Variants in ZDHHC11B observed in about 807,000 individuals in gnomAD.
ZDHHC11B encodes the protein probable palmitoyltransferase ZDHHC11B.
A neutral mutation model predicts 42.3 loss-of-function variants in ZDHHC11B; 17 were observed. The observed-to-expected ratio is 0.40, with a 90% CI of 0.27 to 0.60. ZDHHC11B has a LOEUF of 0.60. Ranked by LOEUF, ZDHHC11B falls within the 20% of genes least tolerant of loss-of-function variation. The pLI is 0.41. For synonymous variants in ZDHHC11B, 123 were observed against 193.5 expected (o/e 0.64, Z 3.02); for missense variants, 262 against 463.2 (o/e 0.57, Z 3.99).
chr5:773,089 T>C (rs1736189512), intron 1 of ZDHHC11B, among the ~76,000 whole-genome samples: 1 of 151,858 alleles, frequency 6.6e-6, no homozygotes, highest in Non-Finnish European at 1.5e-5. Flanking sequence ...GATCGCTTCA[T>C]TAGACCCACG....
chr5:734,042 A>G (rs528473751), intron 10 of ZDHHC11B, among the ~76,000 whole-genome samples: 8 of 145,838 alleles, frequency 5.5e-5, no homozygotes, highest in East Asian at 2.0e-4. Flanking sequence ...CTTCTCGTGT[A>G]AAGGACCATG....
In ZDHHC11B at chr5:766,730, G is replaced by A. The variant is rs779733391; in HGVS notation, c.190C>T (p.Leu64=). 8 of 1,611,534 alleles carry A rather than the reference G, an allele frequency of 5.0e-6. No homozygotes were observed. The highest frequency in any genetic ancestry group is 4.2e-6 in the Non-Finnish European group (5 of 1,178,760). Reference sequence around the variant, plus strand: ...GCGATGTATTTCCACGAGTGAGGCAGGAGGGGAATGAAGATCCTGAAGGTG... The same window carrying A: ...GCGATGTATTTCCACGAGTGAGGCAAGAGGGGAATGAAGATCCTGAAGGTG... ...LATFRIFIPL[L]PHSWKYIAYV... The change falls in exon 4 of 14, where the codon CTG becomes TTG. Residue 64 remains leucine, a synonymous_variant. Coordinates refer to ENST00000508859, the MANE Select transcript of ZDHHC11B (RefSeq NM_001351303.2).
intron 1 of ZDHHC11B, among the ~76,000 whole-genome samples, chr5:778,779 GAAGAGAAGACACA>G (rs1736748203): frequency 6.6e-6 from 1 of 151,842 alleles, no homozygotes; most frequent in Non-Finnish European, 1.5e-5. Flanking sequence ...AGAAGAGGCA[GAAGAGAAGACACA>G]GAGAGAAGAG....
intron 4 of ZDHHC11B, among the ~76,000 whole-genome samples, 155 bp downstream of exon 4, chr5:766,543 C>T (rs1735406926): frequency 6.6e-6 from 1 of 151,888 alleles, no homozygotes; most frequent in South Asian, 2.1e-4. Flanking sequence ...CACGAATGGC[C>T]ACTGGGCCCA....
In ZDHHC11B at chr5:712,146, G is replaced by C. The variant is rs1741424739; in HGVS notation, c.*144C>G. On this transcript the variant is annotated 3_prime_UTR_variant, in exon 14 of 14. Transcript: ENST00000508859. ...CTTCGAAGGACATCCAGGGGCCTCT[G>C]AGATGATGGGCTCTGGTTCCTGGCC... The C allele has an allele frequency of 8.8e-6, 1 of 113,266 alleles. No homozygotes were observed. The highest frequency in any genetic ancestry group is 3.5e-5 in the African/African-American group (1 of 28,646). 7.0% of individuals were successfully genotyped at this position (113,266 alleles called of 1,614,324 possible).
chr5:757,188 T>G (rs1459129154), intron 4 of ZDHHC11B, among the ~76,000 whole-genome samples: 10 of 151,882 alleles, frequency 6.6e-5, no homozygotes, highest in Non-Finnish European at 1.0e-4. Flanking sequence ...CTTCTAGCCA[T>G]GAGTTCAGGG....
intron 3 of ZDHHC11B, 162 bp from the exon 4 acceptor site, chr5:767,081 C>T (rs1265125668): frequency 1.4e-5 from 14 of 979,236 alleles, no homozygotes; most frequent in South Asian, 1.3e-4. Context: ...GCAGAGGGAG[C>T]AGGGGTTGGG....
chr5:718,132 G>A (rs1399033329), intron 12 of ZDHHC11B, among the ~76,000 whole-genome samples: 30 of 151,980 alleles, frequency 2.0e-4, no homozygotes, highest in African/African-American at 7.3e-4. Flanking sequence ...TATGATAGGT[G>A]AAATGGTGGA....
At chr5:737,627 C>T (rs1469846506) in intron 10 of ZDHHC11B, among the ~76,000 whole-genome samples, 6 of 149,422 alleles carry the variant, frequency 4.0e-5, no homozygotes, top group Non-Finnish European at 7.4e-5. Flanking sequence ...TTTCATACCA[C>T]GTATGCAGGA....
At chr5:767,634 C>T in intron 2 of ZDHHC11B, 110 bp from the exon 3 acceptor site, 7 of 844,412 alleles carry the variant, frequency 8.3e-6, no homozygotes, top group Non-Finnish European at 1.2e-5. Flanking sequence ...TGGCAGCCAG[C>T]ACCCCAGTCT....
At chr5:772,369 C>CAGGG (rs1736132832) in intron 1 of ZDHHC11B, among the ~76,000 whole-genome samples, 1 of 145,812 alleles carries the variant, frequency 6.9e-6, no homozygotes, top group Admixed American at 7.0e-5. Flanking sequence ...CAGAAAGGAA[C>CAGGG]AGGGGTCAGA....
intron 1 of ZDHHC11B, among the ~76,000 whole-genome samples, chr5:772,462 G>A (rs1420563275): frequency 1.2e-4 from 18 of 152,060 alleles, no homozygotes; most frequent in African/African-American, 3.4e-4. Flanking sequence ...GGATACCCAC[G>A]TCCACTGTCC....
intron 11 of ZDHHC11B, chr5:732,590 T>C (rs1743098608): frequency 9.0e-6 from 4 of 444,250 alleles, no homozygotes; most frequent in African/African-American, 2.0e-5. Context: ...TTCCTCCAGG[T>C]TGGGTGATCC....
chr5:760,679 G>T (rs1031588384), intron 4 of ZDHHC11B, among the ~76,000 whole-genome samples: 3 of 151,850 alleles, frequency 2.0e-5, no homozygotes, highest in Admixed American at 2.0e-4. Context: ...TGGGCCCTGC[G>T]GTGGAATCGC....
chr5:742,066 T>G (rs796915200), intron 9 of ZDHHC11B, among the ~76,000 whole-genome samples: 3 of 126,358 alleles, frequency 2.4e-5, no homozygotes, highest in African/African-American at 8.8e-5. Flanking sequence ...AGCATTTTTT[T>G]CCATGTGCTT....
chr5:756,823 C>G (rs1264080303), intron 4 of ZDHHC11B, among the ~76,000 whole-genome samples: 2 of 151,626 alleles, frequency 1.3e-5, no homozygotes, highest in South Asian at 2.1e-4. Context: ...GGCTCACTGA[C>G]GGACCCTCTC....
chr5:762,969 G>C (rs190673679), intron 4 of ZDHHC11B, among the ~76,000 whole-genome samples: 1 of 151,740 alleles, frequency 6.6e-6, no homozygotes, highest in African/African-American at 2.4e-5. Flanking sequence ...GAAGGAAGGC[G>C]CAGCACTCAG....
intron 4 of ZDHHC11B, among the ~76,000 whole-genome samples, chr5:758,827 C>T (rs751399196): frequency 1.3e-5 from 2 of 151,934 alleles, no homozygotes; most frequent in Non-Finnish European, 2.9e-5. Context: ...GCGAGGTCCG[C>T]GCTCTGCGGG....
Position 751,128 on chromosome 5 carries a change from C to T in ZDHHC11B, c.628+5G>A, listed in dbSNP as rs753447194. On this transcript the variant is annotated splice_donor_5th_base_variant and intron_variant, in intron 7 of 13. Coordinates refer to ENST00000508859, the MANE Select transcript of ZDHHC11B (RefSeq NM_001351303.2). ...TGAGGCCCCTTGAGAGCGGCGGCCA[C>T]GTACCTTCATACCTGGGGTCCGTGC... The T allele has an allele frequency of 3.5e-5, 45 of 1,275,430 alleles. 3 individuals are homozygous for T. Among genetic ancestry groups the T allele is most frequent in the African/African-American group, 1.0e-4 (6 of 57,940 alleles). 79.0% of individuals were successfully genotyped at this position (1,275,430 alleles called of 1,614,324 possible).
Sources: allele counts gnomAD v4.1 joint callset (sites outside exome capture counted in the v4.1 genomes callset), GRCh38; gene constraint gnomAD v4.1.1; transcripts MANE v1.5; gene names NCBI Gene and HGNC (gene_info 2026-07-23, HGNC 2026-07-21).